Variants in NKAIN2 observed in about 807,000 individuals in gnomAD.
NKAIN2 encodes the protein sodium/potassium transporting ATPase interacting 2.
In NKAIN2, 14 loss-of-function variants were observed where a neutral mutation model predicts 32.6. The ratio of observed to expected loss-of-function variants is 0.43; its 90% CI spans 0.28 to 0.67. The LOEUF is 0.67. Among genes scored for constraint, NKAIN2 ranks in the 30% least tolerant of loss-of-function variants. The probability of loss-of-function intolerance (pLI) is 0.17; values close to 1 mark genes in which losing one functional copy is unlikely to be tolerated. For missense variants in NKAIN2, 198 were observed against 258.3 expected (o/e 0.77, Z 1.60); for synonymous variants, 80 against 87.2 (o/e 0.92, Z 0.46).
At chr6:124,713,886 G>A (rs944270016) in intron 4 of NKAIN2, among the ~76,000 whole-genome samples, 8 of 152,222 alleles carry the variant, frequency 5.3e-5, no homozygotes, top group Non-Finnish European at 1.2e-4. Context: ...ACCTGTCAGA[G>A]ATGCTATAGG....
At chr6:124,313,654 A>C (rs1357966373) in intron 2 of NKAIN2, among the ~76,000 whole-genome samples, 3 of 152,088 alleles carry the variant, frequency 2.0e-5, no homozygotes, top group East Asian at 3.9e-4. Flanking sequence ...AACTCCTCTT[A>C]CTTAATTGGT....
intron 1 of NKAIN2, among the ~76,000 whole-genome samples, chr6:124,271,839 C>T (rs1351635442): frequency 6.6e-6 from 1 of 152,166 alleles, no homozygotes; most frequent in African/African-American, 2.4e-5. Context: ...GAGTAAAGGT[C>T]ACTCGTGCTA....
At chr6:124,050,768 T>TGA (rs933291670) in intron 1 of NKAIN2, among the ~76,000 whole-genome samples, 2 of 152,080 alleles carry the variant, frequency 1.3e-5, no homozygotes, top group Non-Finnish European at 2.9e-5. Flanking sequence ...GTAATTCAGT[T>TGA]GAAAGCATTT....
Position 124,725,148 on chromosome 6 carries a change from G to C in NKAIN2, c.475-66191G>C, listed in dbSNP as rs372449917. On this transcript the variant is annotated intron_variant, in intron 4 of 6. Coordinates refer to ENST00000368417, the MANE Select transcript of NKAIN2 (RefSeq NM_001040214.3). ...AACCATCATGTTAAGTAGCTGCTTT[G>C]AATTACCTAGAATATCTTCTCACTT... Among the ~76,000 whole-genome samples, 7 of 152,256 alleles carry C rather than the reference G, an allele frequency of 4.6e-5. No individual in the cohort carries two copies. The East Asian group carries it at 7.7e-4, about 17-fold the overall frequency.
At chr6:124,018,802 A>T (rs886225986) in intron 1 of NKAIN2, among the ~76,000 whole-genome samples, 1 of 151,820 alleles carries the variant, frequency 6.6e-6, no homozygotes, top group East Asian at 1.9e-4. Context: ...AACTGTTCCA[A>T]CCTCTGCCTG....
chr6:124,073,780 C>T (rs1381431503), intron 1 of NKAIN2, among the ~76,000 whole-genome samples: 2 of 152,140 alleles, frequency 1.3e-5, no homozygotes, highest in Non-Finnish European at 2.9e-5. Context: ...AAATAACCCT[C>T]TAGCACCATG....
At chr6:124,323,981 C>T (rs945350022) in intron 2 of NKAIN2, among the ~76,000 whole-genome samples, 11 of 151,740 alleles carry the variant, frequency 7.2e-5, no homozygotes, top group East Asian at 5.9e-4. Context: ...TTAATGGTGA[C>T]GGGGTTACAC....
intron 1 of NKAIN2, among the ~76,000 whole-genome samples, chr6:123,915,437 G>A (rs1367622491): frequency 6.6e-6 from 1 of 152,016 alleles, no homozygotes; most frequent in Non-Finnish European, 1.5e-5. Context: ...GTCTATTCCT[G>A]GATGCAGGAC....
chr6:123,983,733 G>GGA (rs1562292127), intron 1 of NKAIN2, among the ~76,000 whole-genome samples: 1 of 80,356 alleles, frequency 1.2e-5, no homozygotes, highest in Admixed American at 1.7e-4. Context: ...CCAAGTTATG[G>GGA]TATATATATA....
At chr6:124,347,482 C>T (rs1181074099) in intron 2 of NKAIN2, among the ~76,000 whole-genome samples, 2 of 152,190 alleles carry the variant, frequency 1.3e-5, no homozygotes, top group South Asian at 2.1e-4. Flanking sequence ...CAATCAGACA[C>T]AGATTTGGTC....
At chr6:124,363,777 G>C (rs1406536939) in intron 3 of NKAIN2, among the ~76,000 whole-genome samples, 1 of 152,128 alleles carries the variant, frequency 6.6e-6, no homozygotes, top group East Asian at 1.9e-4. Flanking sequence ...TGAGAGAAAA[G>C]AGAAACATCT....
Position 124,634,061 on chromosome 6 carries a change from T to C in NKAIN2, c.274-24125T>C, listed in dbSNP as rs144604672. Reference sequence around the variant, plus strand: ...CCACACAGAACAAAAGCCAAAGCACTCTACCCAATGAACACCATAGATACA... The same window carrying C: ...CCACACAGAACAAAAGCCAAAGCACCCTACCCAATGAACACCATAGATACA... On this transcript the variant is annotated intron_variant, in intron 3 of 6. Coordinates refer to ENST00000368417, the MANE Select transcript of NKAIN2 (RefSeq NM_001040214.3). Among the ~76,000 whole-genome samples the C allele has an allele frequency of 7.6e-3, 1,155 of 151,024 alleles. 6 individuals are homozygous for C. The highest frequency in any genetic ancestry group is 0.014 in the Non-Finnish European group (919 of 67,860).
intron 3 of NKAIN2, among the ~76,000 whole-genome samples, chr6:124,570,173 A>C (rs1291396168): frequency 6.6e-6 from 1 of 152,336 alleles, no homozygotes; most frequent in East Asian, 1.9e-4. Context: ...AAGCATTCAA[A>C]AGCTGACTTG....
intron 1 of NKAIN2, among the ~76,000 whole-genome samples, chr6:124,215,431 A>T (rs936360642): frequency 8.5e-5 from 13 of 152,152 alleles, no homozygotes; most frequent in African/African-American, 2.7e-4. Flanking sequence ...CCCAATCCTT[A>T]TGTGCTGTAT....
chr6:124,313,913 G>T (rs1485823756), intron 2 of NKAIN2, among the ~76,000 whole-genome samples: 2 of 152,072 alleles, frequency 1.3e-5, no homozygotes, highest in African/African-American at 4.8e-5. Flanking sequence ...CTACAAAAAT[G>T]CCCTATTGAA....
chr6:124,141,539 T>G (rs1787138884), intron 1 of NKAIN2, among the ~76,000 whole-genome samples: 1 of 152,064 alleles, frequency 6.6e-6, no homozygotes, highest in Non-Finnish European at 1.5e-5. Flanking sequence ...GGCTTAAAAT[T>G]CAATCAATTT....
chr6:124,366,590 A>G (rs567138759), intron 3 of NKAIN2, among the ~76,000 whole-genome samples: 31 of 152,124 alleles, frequency 2.0e-4, no homozygotes, highest in Non-Finnish European at 2.6e-4. Context: ...TGAGGCCAGT[A>G]TAACCTTACT....
chr6:124,068,606 G>A (rs904308900), intron 1 of NKAIN2, among the ~76,000 whole-genome samples: 1 of 151,852 alleles, frequency 6.6e-6, no homozygotes, highest in African/African-American at 2.4e-5. Context: ...GTATTTTGAG[G>A]AGCTATAGGA....
chr6:124,198,552 C>T (rs1790434635), intron 1 of NKAIN2, among the ~76,000 whole-genome samples: 1 of 151,754 alleles, frequency 6.6e-6, no homozygotes, highest in Non-Finnish European at 1.5e-5. Context: ...CCAAGAGTTT[C>T]CCACCCTTCT....
Sources: gnomAD v4.1 joint callset for allele counts (sites outside exome capture counted in the v4.1 genomes callset) on GRCh38, gnomAD v4.1.1 for gene constraint, MANE v1.5 for transcripts, NCBI Gene and HGNC (gene_info 2026-07-23, HGNC 2026-07-21) for gene names.